Variants in CBLB observed in about 807,000 individuals in gnomAD.
The protein encoded by CBLB is E3 ubiquitin-protein ligase CBL-B.
Under a neutral mutation model 104.9 loss-of-function variants are expected in CBLB, and 31 were observed. The observed-to-expected ratio is 0.30, with a 90% CI of 0.22 to 0.40. The LOEUF is 0.40. CBLB is among the 10% of genes least tolerant of loss of function. The pLI, the probability that CBLB is intolerant of heterozygous loss-of-function variation, is 1.00. For synonymous variants in CBLB, 440 were observed against 422.6 expected (o/e 1.04, Z -0.51); for missense variants, 1,062 against 1,214.6 (o/e 0.87, Z 1.87).
At chr3:105,858,087 G>A (rs1303114349) in intron 2 of CBLB, among the ~76,000 whole-genome samples, 1 of 152,196 alleles carries the variant, frequency 6.6e-6, no homozygotes, top group Non-Finnish European at 1.5e-5. Flanking sequence ...CTGTGAGTGA[G>A]TAGTACGAGA....
In CBLB at chr3:105,681,492, G is replaced by A. The variant is rs2066309984; in HGVS notation, c.2415C>T (p.Leu805=). 2 of 1,614,090 alleles carry A rather than the reference G, an allele frequency of 1.2e-6. No individual in the cohort carries two copies. The highest frequency in any genetic ancestry group is 1.1e-5 in the South Asian group (1 of 91,076). ...LNRTPSDYDL[L]IPPLGEDAFD... ...AAAGGTTTCAACCTAATGGAGGGAT[G>A]AGAAGATCATAATCAGAGGGCGTCC... is the stretch of plus-strand genomic sequence containing the variant. The change falls in exon 16 of 19, where the codon CTC becomes CTT. Residue 805 remains leucine (L), a synonymous_variant. Transcript: ENST00000394030.
chr3:105,832,907 A>G (rs951656159), intron 3 of CBLB, among the ~76,000 whole-genome samples: 1 of 152,230 alleles, frequency 6.6e-6, no homozygotes, highest in Non-Finnish European at 1.5e-5. Flanking sequence ...ATGAGATAAA[A>G]TAATGTGTCA....
intron 13 of CBLB, among the ~76,000 whole-genome samples, chr3:105,686,636 G>T (rs1036325073): frequency 6.6e-6 from 1 of 151,890 alleles, no homozygotes; most frequent in Non-Finnish European, 1.5e-5. Flanking sequence ...AAGGCATTTT[G>T]AAAAATCTAA....
chr3:105,740,728 C>A, intron 6 of CBLB, 97 bp from the exon 7 acceptor site: 1 of 1,090,078 alleles, frequency 9.2e-7, no homozygotes, highest in Non-Finnish European at 1.4e-6. Flanking sequence ...AATAAACAAT[C>A]ATTTAGAATT....
chr3:105,710,128 T>C (rs1376770441), intron 10 of CBLB, among the ~76,000 whole-genome samples: 4 of 151,968 alleles, frequency 2.6e-5, no homozygotes, highest in Non-Finnish European at 4.4e-5. Context: ...TCAACCTCTT[T>C]CTATCTGTTA....
intron 12 of CBLB, among the ~76,000 whole-genome samples, chr3:105,698,109 C>G (rs997839597): frequency 2.6e-5 from 4 of 151,976 alleles, no homozygotes; most frequent in Non-Finnish European, 5.9e-5. Flanking sequence ...TAACTCTTAG[C>G]TTGTAGATCC....
chr3:105,807,939 T>G (rs1480195006), intron 3 of CBLB, among the ~76,000 whole-genome samples: 1 of 152,166 alleles, frequency 6.6e-6, no homozygotes, highest in South Asian at 2.1e-4. Context: ...CGTCAGTGAG[T>G]GCTCAGTCAT....
rs1269370744 is a variant in CBLB at position 105,774,439 on chromosome 3, T to C, written c.566+1957A>G. Among the ~76,000 whole-genome samples, 9 of 152,232 alleles carry C rather than the reference T, an allele frequency of 5.9e-5. No individual in the cohort carries two copies. In the South Asian group the frequency reaches 1.0e-3, roughly 17 times the overall value. Reference sequence around the variant, plus strand: ...GAATAATTAATTTGTATGACTATGGTAATGCATATAAGTTCCAAAAGGAGC... The same window carrying C: ...GAATAATTAATTTGTATGACTATGGCAATGCATATAAGTTCCAAAAGGAGC... On this transcript the variant is annotated intron_variant, in intron 4 of 18. Transcript: ENST00000394030.
intron 14 of CBLB, among the ~76,000 whole-genome samples, chr3:105,682,680 T>C (rs1018254767): frequency 2.6e-5 from 4 of 152,134 alleles, no homozygotes; most frequent in Non-Finnish European, 4.4e-5. Context: ...CCAATTTTTT[T>C]TATTTTTTAG....
chr3:105,756,318 G>A (rs938217626), intron 4 of CBLB, among the ~76,000 whole-genome samples: 1 of 152,086 alleles, frequency 6.6e-6, no homozygotes, highest in Non-Finnish European at 1.5e-5. Flanking sequence ...ATCAGTTGTA[G>A]TTTTATATTG....
chr3:105,744,733 C>CATCCTG (rs1352707868), intron 6 of CBLB, among the ~76,000 whole-genome samples: 1 of 151,996 alleles, frequency 6.6e-6, no homozygotes, highest in African/African-American at 2.4e-5. Context: ...AGATCAAGAC[C>CATCCTG]ATCCTGACCA....
intron 18 of CBLB, among the ~76,000 whole-genome samples, chr3:105,664,022 T>C (rs992065576): frequency 6.6e-6 from 1 of 152,134 alleles, no homozygotes; most frequent in Admixed American, 6.6e-5. Context: ...GATATTTCAT[T>C]TCAGTGGCTG....
intron 18 of CBLB, among the ~76,000 whole-genome samples, chr3:105,665,652 TAAATA>T (rs1296592694): frequency 6.8e-6 from 1 of 147,882 alleles, no homozygotes; most frequent in Middle Eastern, 3.6e-3. Flanking sequence ...TATACATTAT[TAAATA>T]AAATAACATG....
chr3:105,693,932 A>G (rs915947170), intron 12 of CBLB, among the ~76,000 whole-genome samples: 5 of 152,034 alleles, frequency 3.3e-5, no homozygotes, highest in Non-Finnish European at 7.4e-5. Flanking sequence ...AGCATTCTCT[A>G]TAAGGGGTAA....
chr3:105,678,559 A>G lies in CBLB; in HGVS notation c.2441T>C (p.Phe814Ser), dbSNP rs773165028. ...LLIPPLGEDA[F>S]DALPPSLPPP... ...TGGGAGAGATGGAGGGAGGGCATCA[A>G]AAGCATCTTCACCTGCATTTAAAGA... The change falls in exon 17 of 19, where the codon TTT (phenylalanine) becomes TCT (serine). Residue 814 changes from phenylalanine to serine, a missense_variant. By Grantham distance (155) the Phe-to-Ser change is radical. Coordinates refer to ENST00000394030, the MANE Select transcript of CBLB (RefSeq NM_170662.5). The G allele has an allele frequency of 8.7e-6, 14 of 1,613,102 alleles. No individual in the cohort carries two copies. The highest frequency in any genetic ancestry group is 1.2e-5 in the Non-Finnish European group (14 of 1,179,518).
intron 2 of CBLB, among the ~76,000 whole-genome samples, chr3:105,853,887 T>C (rs905680372): frequency 6.6e-6 from 1 of 152,202 alleles, no homozygotes; most frequent in African/African-American, 2.4e-5. Context: ...ATCCTTATTT[T>C]GAACCTCTAA....
intron 3 of CBLB, among the ~76,000 whole-genome samples, chr3:105,785,632 C>A (rs1209744268): frequency 6.6e-5 from 10 of 152,074 alleles, no homozygotes; most frequent in Non-Finnish European, 1.5e-4. Context: ...CTTATTGATA[C>A]CTGTGTCTCA....
At chr3:105,707,633 T>G (rs1228301615) in intron 10 of CBLB, among the ~76,000 whole-genome samples, 1 of 152,142 alleles carries the variant, frequency 6.6e-6, no homozygotes, top group Non-Finnish European at 1.5e-5. Flanking sequence ...ACATTTTTAG[T>G]AGGTAATGTT....
At chr3:105,730,781 C>T (rs1038623952) in intron 9 of CBLB, among the ~76,000 whole-genome samples, 2 of 152,078 alleles carry the variant, frequency 1.3e-5, no homozygotes, top group African/African-American at 2.4e-5. Flanking sequence ...AAGACAATAA[C>T]ATTACTGTCT....
Sources: gnomAD v4.1 joint callset for allele counts (sites outside exome capture counted in the v4.1 genomes callset) on GRCh38, gnomAD v4.1.1 for gene constraint, MANE v1.5 for transcripts, NCBI Gene and HGNC (gene_info 2026-07-23, HGNC 2026-07-21) for gene names.